Variants in NFIB observed in about 807,000 individuals in gnomAD.
The protein encoded by NFIB is nuclear factor I B.
A neutral mutation model predicts 61.5 loss-of-function variants in NFIB; 11 were observed. The ratio of observed to expected loss-of-function variants is 0.18; its 90% confidence interval spans 0.11 to 0.30. The LOEUF (loss-of-function observed/expected upper bound fraction) is 0.30, where lower values mean the gene tolerates loss of function less well. Ranked by LOEUF, NFIB falls within the 10% of genes least tolerant of loss-of-function variation. The pLI, the probability that NFIB is intolerant of heterozygous loss-of-function variation, is 1.00. For missense variants in NFIB, 471 were observed against 608.9 expected (o/e 0.77, Z 2.38); for synonymous variants, 260 against 216.5 (o/e 1.20, Z -1.76).
chr9:14,418,918 C>T, the NFIB span, among the ~76,000 whole-genome samples: 8 of 152,126 alleles, frequency 5.3e-5, no homozygotes, highest in Non-Finnish European at 1.0e-4. Flanking sequence ...GATTTATAGT[C>T]ATTTTACCCC....
At chr9:14,420,756 T>C in the NFIB span, among the ~76,000 whole-genome samples, 2 of 152,120 alleles carry the variant, frequency 1.3e-5, no homozygotes, top group Non-Finnish European at 1.5e-5. Context: ...GCTAAAATAC[T>C]AAGGGGCAGG....
At chr9:14,452,925 G>A in the NFIB span, among the ~76,000 whole-genome samples, 2 of 152,198 alleles carry the variant, frequency 1.3e-5, no homozygotes, top group Non-Finnish European at 1.5e-5. Flanking sequence ...ACAGCATTGG[G>A]TTTTATTTAG....
chr9:14,344,278 G>C (rs1267958686), intron 1 of NFIB, among the ~76,000 whole-genome samples: 2 of 152,004 alleles, frequency 1.3e-5, no homozygotes, highest in Non-Finnish European at 2.9e-5. Context: ...CCGAGAGAGG[G>C]GGGTGATGGG....
intron 2 of NFIB, among the ~76,000 whole-genome samples, chr9:14,194,499 A>G (rs1354950761): frequency 1.3e-5 from 2 of 152,132 alleles, no homozygotes; most frequent in Non-Finnish European, 2.9e-5. Context: ...TTTTAACCAA[A>G]TTTTTTATTA....
chr9:14,093,946 G>T (rs12348427), intron 10 of NFIB, among the ~76,000 whole-genome samples: 3,107 of 152,190 alleles, frequency 0.02, 88 homozygotes, highest in South Asian at 0.072. Flanking sequence ...CTTATATAAT[G>T]TGTATTATTT....
At chr9:14,245,568 T>C (rs1216762735) in intron 2 of NFIB, among the ~76,000 whole-genome samples, 11 of 152,116 alleles carry the variant, frequency 7.2e-5, no homozygotes, top group Non-Finnish European at 1.5e-5. Context: ...TATAATGTCA[T>C]ACAAGCAATA....
At chr9:14,375,336 G>C (rs561676253) in intron 1 of NFIB, among the ~76,000 whole-genome samples, 2 of 152,296 alleles carry the variant, frequency 1.3e-5, no homozygotes, top group South Asian at 2.1e-4. Context: ...AGCTTAGTTA[G>C]TTCCTTTTAA....
At chr9:14,377,665 C>T (rs1248745199) in intron 1 of NFIB, among the ~76,000 whole-genome samples, 1 of 152,108 alleles carries the variant, frequency 6.6e-6, no homozygotes, top group Non-Finnish European at 1.5e-5. Flanking sequence ...GTTATAGCAG[C>T]CTAGGGCTTA....
At chr9:14,295,642 A>AAAC (rs973622611) in intron 2 of NFIB, among the ~76,000 whole-genome samples, 6 of 151,584 alleles carry the variant, frequency 4.0e-5, no homozygotes, top group African/African-American at 9.7e-5. Context: ...AAAAACAAAC[A>AAAC]AACAAACAAA....
At chr9:14,472,171 T>C in the NFIB span, among the ~76,000 whole-genome samples, 2 of 152,242 alleles carry the variant, frequency 1.3e-5, no homozygotes, top group African/African-American at 2.4e-5. Flanking sequence ...CCTTGCAATA[T>C]AATTTTAACA....
intron 2 of NFIB, among the ~76,000 whole-genome samples, chr9:14,191,735 G>A (rs2047971627): frequency 2.0e-5 from 3 of 152,118 alleles, no homozygotes; most frequent in African/African-American, 7.2e-5. Flanking sequence ...TTCCAGATGT[G>A]ACAAAATTTT....
the NFIB span, among the ~76,000 whole-genome samples, chr9:14,455,192 G>C: frequency 1.3e-5 from 2 of 152,150 alleles, no homozygotes; most frequent in African/African-American, 4.8e-5. Context: ...AGGAATTTAA[G>C]GCATATGCAG....
the NFIB span, among the ~76,000 whole-genome samples, chr9:14,463,770 C>G: frequency 6.6e-6 from 1 of 150,458 alleles, no homozygotes; most frequent in African/African-American, 2.4e-5. Context: ...ACGCCATTCT[C>G]CTGCCTCAGC....
At chr9:14,220,303 C>G (rs899400330) in intron 2 of NFIB, among the ~76,000 whole-genome samples, 2 of 152,222 alleles carry the variant, frequency 1.3e-5, no homozygotes, top group Non-Finnish European at 2.9e-5. Flanking sequence ...CTAATTAGTA[C>G]ACGCTTCATA....
the NFIB span, among the ~76,000 whole-genome samples, chr9:14,479,001 A>G: frequency 1.4e-3 from 218 of 152,360 alleles, no homozygotes; most frequent in African/African-American, 4.8e-3. Flanking sequence ...GGCATATTAC[A>G]TCATCCTTGC....
At chr9:14,451,626 A>C in the NFIB span, among the ~76,000 whole-genome samples, 1 of 152,370 alleles carries the variant, frequency 6.6e-6, no homozygotes, top group East Asian at 1.9e-4. Flanking sequence ...CTAGCATACA[A>C]GTATCCAGTT....
intron 1 of NFIB, among the ~76,000 whole-genome samples, chr9:14,376,758 T>C (rs1449649937): frequency 2.0e-5 from 3 of 152,084 alleles, no homozygotes; most frequent in Non-Finnish European, 1.5e-5. Context: ...CCTCAGGTGA[T>C]CCGCTCACCT....
chr9:14,235,128 T>C (rs1332758632), intron 2 of NFIB, among the ~76,000 whole-genome samples: 1 of 152,272 alleles, frequency 6.6e-6, no homozygotes. Flanking sequence ...GAAAATGTTA[T>C]ACGATTGAAA....
chr9:14,132,848 A>G (rs1335951894), intron 6 of NFIB, among the ~76,000 whole-genome samples: 7 of 152,164 alleles, frequency 4.6e-5, no homozygotes, highest in Non-Finnish European at 1.0e-4. Context: ...TATAGGCTTG[A>G]TTCATTGCAT....
Sources: allele counts gnomAD v4.1 joint callset (sites outside exome capture counted in the v4.1 genomes callset), GRCh38; gene constraint gnomAD v4.1.1; transcripts MANE v1.5; gene names NCBI Gene and HGNC (gene_info 2026-07-23, HGNC 2026-07-21).